The following SYK variants were observed in gnomAD, a reference collection of about 807,000 sequenced individuals.
The protein encoded by SYK is tyrosine-protein kinase SYK.
In SYK, 16 loss-of-function variants were observed where a neutral mutation model predicts 77.8. That is an observed-to-expected ratio of 0.21 (90% CI 0.14 to 0.31). The LOEUF is 0.31. Among genes scored for constraint, SYK ranks in the 10% least tolerant of loss-of-function variants. SYK has a pLI of 1.00. For synonymous variants in SYK, 312 were observed against 308.7 expected (o/e 1.01, Z -0.11); for missense variants, 529 against 814.4 (o/e 0.65, Z 4.26).
chr9:90,870,336 T>G (rs1162729874), intron 7 of SYK, among the ~76,000 whole-genome samples: 1 of 152,176 alleles, frequency 6.6e-6, no homozygotes, highest in Non-Finnish European at 1.5e-5. Flanking sequence ...ACTTTTCAGC[T>G]TTGCATTTCA....
Position 90,895,656 on chromosome 9 carries a change from T to C in SYK, c.*56T>C, listed in dbSNP as rs1828956541. 2 of 1,532,248 alleles carry C rather than the reference T, an allele frequency of 1.3e-6. No homozygotes were observed. The highest frequency in any genetic ancestry group is 2.7e-5 in the African/African-American group (2 of 73,170). 94.9% of individuals were successfully genotyped at this position (1,532,248 alleles called of 1,614,324 possible). On this transcript the variant is annotated 3_prime_UTR_variant, in exon 14 of 14. Coordinates refer to ENST00000375754, the MANE Select transcript of SYK (RefSeq NM_003177.7). The surrounding 1 kb of genome is among the most constrained non-coding windows in gnomAD (Gnocchi z 4.4). ...GATCACAGGAGCAATCACAGGAAAA[T>C]GTATCCAGAGGAATTGATTGTCAGC...
Position 90,843,894 on chromosome 9 carries a change from G to A in SYK, c.-5G>A, listed in dbSNP as rs1641624947. 1.3e-6 allele frequency: 2 copies of A among 1,521,290 alleles called. No individual in the cohort carries two copies. Among genetic ancestry groups the A allele is most frequent in the African/African-American group, 2.8e-5 (2 of 72,684 alleles). 94.2% of individuals were successfully genotyped at this position (1,521,290 alleles called of 1,614,324 possible). ...CGCAGGTGTGTGCCCTCCGGCCCCT[G>A]AAGCATGGCCAGCAGCGGCATGGCT... is the stretch of plus-strand genomic sequence containing the variant. On this transcript the variant is annotated 5_prime_UTR_variant, in exon 2 of 14. Transcript: ENST00000375754.
At chr9:90,876,463 A>G (rs1296283125) in intron 9 of SYK, among the ~76,000 whole-genome samples, 2 of 152,212 alleles carry the variant, frequency 1.3e-5, no homozygotes, top group African/African-American at 4.8e-5. Flanking sequence ...ATGCGCACAT[A>G]TATACACACA....
intron 11 of SYK, among the ~76,000 whole-genome samples, chr9:90,884,152 T>TATATATATATATACACATAC (rs1828274300): frequency 2.0e-5 from 2 of 100,594 alleles, no homozygotes; most frequent in Non-Finnish European, 4.4e-5. Flanking sequence ...TATGTGTGTG[T>TATATATATATATACACATAC]GTATATATAC....
At chr9:90,835,172 G>A (rs994640513) in intron 1 of SYK, among the ~76,000 whole-genome samples, 8 of 152,234 alleles carry the variant, frequency 5.3e-5, no homozygotes, top group Admixed American at 5.2e-4. Flanking sequence ...GTGCCAGATG[G>A]AAATGGGTGG....
At chr9:90,874,590 C>A in intron 8 of SYK, 82 bp from the exon 9 acceptor site, 3 of 1,458,910 alleles carry the variant, frequency 2.1e-6, no homozygotes, top group Non-Finnish European at 2.8e-6. Context: ...AGTTCATATT[C>A]CCATGAAGAT....
intron 3 of SYK, among the ~76,000 whole-genome samples, chr9:90,855,337 G>A (rs895067142): frequency 6.6e-6 from 1 of 152,136 alleles, no homozygotes; most frequent in African/African-American, 2.4e-5. Flanking sequence ...GCTGGGGAGG[G>A]GAGGTGAAGG....
intron 3 of SYK, among the ~76,000 whole-genome samples, chr9:90,858,800 C>T (rs1327961830): frequency 6.6e-6 from 1 of 152,232 alleles, no homozygotes; most frequent in African/African-American, 2.4e-5. Context: ...CCTTTCTCTG[C>T]TCTTGTTTCC....
At chr9:90,876,142 C>G (rs1827918053) in intron 9 of SYK, among the ~76,000 whole-genome samples, 1 of 151,952 alleles carries the variant, frequency 6.6e-6, no homozygotes, top group African/African-American at 2.4e-5. Context: ...AAAAAATTAG[C>G]TGGGTGTGGT....
chr9:90,887,396 T>G (rs995204954), intron 11 of SYK, among the ~76,000 whole-genome samples: 2 of 114,982 alleles, frequency 1.7e-5, no homozygotes, highest in African/African-American at 6.9e-5. Context: ...TTTATGCTTT[T>G]CTTTCTTTCT....
rs1330260318 is a variant in SYK at position 90,897,181 on chromosome 9, G to A, written c.*1581G>A. On this transcript the variant is annotated 3_prime_UTR_variant, in exon 14 of 14. Transcript: ENST00000375754. ...TGGACAGCAGGCCCTCCTCTAACAG[G>A]GGATGCAAGGCATGGAGAAAGACAA... 3 of 231,428 alleles carry A rather than the reference G, an allele frequency of 1.3e-5. No homozygotes were observed. The highest frequency in any genetic ancestry group is 6.1e-5 in the East Asian group (1 of 16,380). The allele number at this position is 231,428 out of a possible 1,614,324, so 14.3% of individuals were successfully genotyped here. A position where few individuals can be genotyped will look rare whatever the true frequency, so the allele number is the denominator to read the frequency against.
rs1195974036 is a variant in SYK, at chr9:90,874,657, T to C, written c.1004-15T>C. ...GGTCCAGCCCCAGGTCGTATGTTTC[T>C]TGACTGCATTGCAGGCCCCCAGAGA... On this transcript the variant is annotated splice_polypyrimidine_tract_variant and intron_variant, in intron 8 of 13. Coordinates refer to ENST00000375754, the MANE Select transcript of SYK (RefSeq NM_003177.7). 1 of 1,606,066 alleles carries C rather than the reference T, an allele frequency of 6.2e-7. No homozygotes were observed. Among genetic ancestry groups the C allele is most frequent in the African/African-American group, 1.3e-5 (1 of 74,632 alleles).
At chr9:90,857,700 G>A (rs560719931) in intron 3 of SYK, among the ~76,000 whole-genome samples, 2 of 152,070 alleles carry the variant, frequency 1.3e-5, no homozygotes, top group Non-Finnish European at 2.9e-5. Context: ...GACCTCATTC[G>A]CTCCCACATC....
At chr9:90,855,231 T>G (rs900096516) in intron 3 of SYK, among the ~76,000 whole-genome samples, 1 of 152,152 alleles carries the variant, frequency 6.6e-6, no homozygotes, top group Non-Finnish European at 1.5e-5. Context: ...GTGAATAAAA[T>G]TTTTATGATT....
rs544335565 is a variant in SYK, at chr9:90,889,812, C to A, written c.1835+1185C>A. Among the ~76,000 whole-genome samples the A allele has an allele frequency of 6.0e-4, 92 of 152,342 alleles. 2 individuals carry two copies. In the South Asian group the frequency reaches 8.5e-3, roughly 14 times the overall value. On this transcript the variant is annotated intron_variant, in intron 13 of 13. Transcript: ENST00000375754. The stretch of plus-strand genomic sequence containing the variant: ...TCATGGATCTAAGAGGATGTTTATT[C>A]CTAAGTCTTGGCTTAATTCTCCCAG...
chr9:90,895,510 G>T lies in SYK; in HGVS notation c.1836-18G>T. 6.2e-7 allele frequency: 1 copy of T among 1,613,630 alleles called. No homozygotes were observed. The highest frequency in any genetic ancestry group is 8.5e-7 in the Non-Finnish European group (1 of 1,179,814). ...CACAAGCACATTGACAAACAAGAAT[G>T]CATCTCTTCCATTCCAGTGTGGAAA... On this transcript the variant is annotated intron_variant, in intron 13 of 13. Transcript: ENST00000375754. The surrounding 1 kb of genome is among the most constrained non-coding windows in gnomAD (Gnocchi z 4.4).
At chr9:90,830,855 G>A (rs1434578934) in intron 1 of SYK, among the ~76,000 whole-genome samples, 1 of 152,126 alleles carries the variant, frequency 6.6e-6, no homozygotes, top group African/African-American at 2.4e-5. Context: ...AAAGTGCTGG[G>A]ATTACAAGCG....
Position 90,898,303 on chromosome 9 carries a change from C to A in SYK, c.*2703C>A, listed in dbSNP as rs200863059. On this transcript the variant is annotated 3_prime_UTR_variant, in exon 14 of 14. Coordinates refer to ENST00000375754, the MANE Select transcript of SYK (RefSeq NM_003177.7). ...TCTGAGCGTGTCCTTCTCCCATACT[C>A]CCTATCAGCCAGCCCTGCCTGTAGC... 1.0e-4 allele frequency: 24 copies of A among 229,492 alleles called. No individual in the cohort carries two copies. In the East Asian group the frequency reaches 1.5e-3, roughly 14 times the overall value. The allele number at this position is 229,492 out of a possible 1,614,324, so 14.2% of individuals were successfully genotyped here.
chr9:90,863,047 T>TG (rs1477927541), intron 4 of SYK, among the ~76,000 whole-genome samples: 3 of 152,172 alleles, frequency 2.0e-5, no homozygotes, highest in African/African-American at 7.2e-5. Flanking sequence ...AACTCCCAAT[T>TG]TGGAAGTTCC....
Sources: gnomAD v4.1 joint callset for allele counts (sites outside exome capture counted in the v4.1 genomes callset) on GRCh38, gnomAD v4.1.1 for gene constraint, Gnocchi (gnomAD v3.1) non-coding constraint, MANE v1.5 for transcripts, NCBI Gene and HGNC (gene_info 2026-07-23, HGNC 2026-07-21) for gene names.